Variants in FARS2 observed in about 807,000 individuals in gnomAD.
FARS2 encodes phenylalanine--tRNA ligase, mitochondrial.
Under a neutral mutation model 46.4 loss-of-function variants are expected in FARS2, and 40 were observed. That is an observed-to-expected ratio of 0.86 (90% CI 0.67 to 1.12). FARS2 has a LOEUF of 1.12. FARS2 is among the 50% of genes most tolerant of loss of function. The probability of loss-of-function intolerance (pLI) is 0.00; values close to 1 mark genes in which losing one functional copy is unlikely to be tolerated. For missense variants in FARS2, 513 were observed against 567.9 expected, an observed-to-expected ratio of 0.90 and a Z score of 0.98; for synonymous variants, 234 against 214.9, an observed-to-expected ratio of 1.09 and a Z score of -0.78.
chr6:5,322,510 A>G (rs565042323), intron 1 of FARS2, among the ~76,000 whole-genome samples: 22 of 152,316 alleles, frequency 1.4e-4, no homozygotes, highest in African/African-American at 4.8e-4. Flanking sequence ...CTGAATTTAC[A>G]ATTAAATGCA....
At chr6:5,707,687 A>G (rs1758843687) in intron 6 of FARS2, among the ~76,000 whole-genome samples, 1 of 152,182 alleles carries the variant, frequency 6.6e-6, no homozygotes, top group Non-Finnish European at 1.5e-5. Context: ...CTGAGCACAC[A>G]TGCCAGTCTA....
At chr6:5,580,718 C>G (rs9378431) in intron 5 of FARS2, among the ~76,000 whole-genome samples, 25,480 of 152,144 alleles carry the variant, frequency 0.17, 2,445 homozygotes, top group East Asian at 0.4. Flanking sequence ...TCGTCATGCT[C>G]TGGACGCCGC....
intron 5 of FARS2, among the ~76,000 whole-genome samples, chr6:5,573,045 C>T (rs572505448): frequency 3.3e-5 from 5 of 152,314 alleles, no homozygotes; most frequent in Admixed American, 2.0e-4. Flanking sequence ...CCTATCCAGT[C>T]TGCCTCGCCC....
intron 4 of FARS2, among the ~76,000 whole-genome samples, chr6:5,504,826 T>C (rs1466943566): frequency 6.6e-6 from 1 of 152,172 alleles, no homozygotes; most frequent in Non-Finnish European, 1.5e-5. Flanking sequence ...ATGTGGACTT[T>C]TATTTTTTCT....
At chr6:5,386,763 T>A (rs1293417207) in intron 2 of FARS2, among the ~76,000 whole-genome samples, 1 of 152,110 alleles carries the variant, frequency 6.6e-6, no homozygotes, top group Non-Finnish European at 1.5e-5. Flanking sequence ...TGTTTTGGGG[T>A]AGGGACAGGA....
intron 4 of FARS2, among the ~76,000 whole-genome samples, chr6:5,530,747 CTA>C (rs891359045): frequency 6.9e-6 from 1 of 144,062 alleles, no homozygotes; most frequent in Non-Finnish European, 1.5e-5. Flanking sequence ...AAATATATAA[CTA>C]TATATTTATA....
At position 5,541,923 on chromosome 6, in the gene FARS2, C is replaced by A. The variant is rs368492096; in HGVS notation, c.905-3257C>A. Among the ~76,000 whole-genome samples, 220 of 152,202 alleles carry A rather than the reference C, an allele frequency of 1.4e-3. 5 individuals are homozygous for A. The South Asian group carries it at 0.043, about 29-fold the overall frequency. ...ATTCCCAGAAGTGAGGGTTCCTCCC[C>A]CTTTTAGAGTATATAGGGTAGTTTC... On this transcript the variant is annotated intron_variant, in intron 4 of 6. Coordinates refer to ENST00000274680, the MANE Select transcript of FARS2 (RefSeq NM_006567.5).
intron 2 of FARS2, among the ~76,000 whole-genome samples, chr6:5,378,605 G>C (rs1759542712): frequency 6.6e-6 from 1 of 152,044 alleles, no homozygotes; most frequent in African/African-American, 2.4e-5. Flanking sequence ...TGAGTGACAG[G>C]GTTTTATTCT....
At chr6:5,284,410 C>T (rs966816499) in intron 1 of FARS2, among the ~76,000 whole-genome samples, 5 of 152,070 alleles carry the variant, frequency 3.3e-5, no homozygotes, top group African/African-American at 7.2e-5. Context: ...GTTTCTCTTT[C>T]GATCGTAGGA....
intron 1 of FARS2, among the ~76,000 whole-genome samples, chr6:5,268,411 C>T (rs1430216205): frequency 6.6e-6 from 1 of 152,152 alleles, no homozygotes; most frequent in African/African-American, 2.4e-5. Flanking sequence ...CCAGTTTCAG[C>T]TTCTACATAT....
upstream of FARS2, among the ~76,000 whole-genome samples, chr6:5,258,005 C>T (rs758896455): frequency 4.6e-5 from 7 of 152,054 alleles, no homozygotes; most frequent in Non-Finnish European, 7.4e-5. Context: ...GAGAAGGTGA[C>T]AATTGAGCTC....
intron 3 of FARS2, among the ~76,000 whole-genome samples, chr6:5,424,760 T>G (rs2127756812): frequency 6.6e-6 from 1 of 152,332 alleles, no homozygotes. Context: ...TTGAACCTTG[T>G]GAACATATTT....
At chr6:5,414,751 CT>C (rs574838502) in intron 3 of FARS2, among the ~76,000 whole-genome samples, 5 of 135,696 alleles carry the variant, frequency 3.7e-5, no homozygotes, top group African/African-American at 2.7e-5. Context: ...ATGGACATCG[CT>C]TTTTTTTTTC....
At chr6:5,392,767 C>T (rs1461932127) in intron 2 of FARS2, among the ~76,000 whole-genome samples, 13 of 104,478 alleles carry the variant, frequency 1.2e-4, no homozygotes, top group Admixed American at 2.0e-4. Flanking sequence ...CACACACACA[C>T]ACATGTATAT....
rs1457507021 is a variant in FARS2, at chr6:5,507,172, G to A, written c.905-38008G>A. ...GTTTCAGAATTTGGCAGCAAAAAAA[G>A]TGATGGCTTCTAACACATTTACAGT... On this transcript the variant is annotated intron_variant, in intron 4 of 6. Transcript: ENST00000274680. 2.0e-5 allele frequency among the ~76,000 whole-genome samples: 3 copies of A among 152,174 alleles called. No individual in the cohort carries two copies. The East Asian group carries it at 5.8e-4, about 29-fold the overall frequency.
At chr6:5,527,518 T>C (rs1769544890) in intron 4 of FARS2, among the ~76,000 whole-genome samples, 1 of 152,258 alleles carries the variant, frequency 6.6e-6, no homozygotes, top group Admixed American at 6.5e-5. Flanking sequence ...CTCACAACTC[T>C]GTACAATGTT....
chr6:5,495,316 A>T (rs538285994), intron 4 of FARS2, among the ~76,000 whole-genome samples: 1 of 152,288 alleles, frequency 6.6e-6, no homozygotes, highest in Admixed American at 6.5e-5. Context: ...TTCCTTTTCT[A>T]CATCGTCGTA....
At chr6:5,597,619 T>C in intron 5 of FARS2, among the ~76,000 whole-genome samples, 1 of 152,238 alleles carries the variant, frequency 6.6e-6, no homozygotes, top group Middle Eastern at 3.2e-3. Flanking sequence ...AGGGACCCGC[T>C]GTGAACTTTG....
intron 5 of FARS2, among the ~76,000 whole-genome samples, chr6:5,555,187 G>A (rs1375747540): frequency 6.6e-6 from 1 of 152,000 alleles, no homozygotes; most frequent in African/African-American, 2.4e-5. Flanking sequence ...ATTTTCTCTT[G>A]TCACCACCAC....
Sources: gnomAD v4.1 joint callset for allele counts (sites outside exome capture counted in the v4.1 genomes callset) on GRCh38, gnomAD v4.1.1 for gene constraint, MANE v1.5 for transcripts, NCBI Gene and HGNC (gene_info 2026-07-23, HGNC 2026-07-21) for gene names.